Variants in CRIM1 observed in about 807,000 individuals in gnomAD.
The protein encoded by CRIM1 is cysteine-rich motor neuron 1 protein.
Under a neutral mutation model 116.4 loss-of-function variants are expected in CRIM1, and 32 were observed. The ratio of observed to expected loss-of-function variants is 0.27; its 90% confidence interval spans 0.21 to 0.37. CRIM1 has a LOEUF of 0.37. CRIM1 is among the 10% of genes least tolerant of loss of function. CRIM1 has a pLI of 1.00. For missense variants in CRIM1, 1,331 were observed against 1,354.8 expected (o/e 0.98, Z 0.28); for synonymous variants, 590 against 509.2 (o/e 1.16, Z -2.13).
chr2:36,441,527 C>T (rs2124936463), intron 3 of CRIM1, 27 bp downstream of exon 3: 1 of 1,600,902 alleles, frequency 6.2e-7, no homozygotes, highest in Non-Finnish European at 8.5e-7. Flanking sequence ...TCTCAGCAGC[C>T]TTGTTCCTTT....
intron 2 of CRIM1, among the ~76,000 whole-genome samples, chr2:36,425,421 T>C (rs752407654): frequency 6.6e-6 from 1 of 152,190 alleles, no homozygotes; most frequent in Non-Finnish European, 1.5e-5. Context: ...GTTAGACTCA[T>C]TACTGAAAAC....
intron 1 of CRIM1, among the ~76,000 whole-genome samples, chr2:36,389,485 C>T (rs1335232244): frequency 1.3e-5 from 2 of 152,200 alleles, no homozygotes; most frequent in African/African-American, 4.8e-5. Context: ...TTCCCAGGAG[C>T]TTCTCTTCTG....
chr2:36,410,737 T>TG (rs1405483358), intron 2 of CRIM1, among the ~76,000 whole-genome samples: 1 of 151,676 alleles, frequency 6.6e-6, no homozygotes, highest in African/African-American at 2.4e-5. Context: ...CCTGCTGCTT[T>TG]GGAAAAAAAA....
rs1668818385 is a variant in CRIM1 at position 36,356,577 on chromosome 2, G to A, written c.285G>A (p.Pro95=). ...GGCTGCGTTGTGTCATCCGCCCCCC[G>A]CTCAATGGCGACTCCCTCACCGAGT... is the stretch of plus-strand genomic sequence containing the variant. ...DRGLRCVIRP[P]LNGDSLTEYE... Residue 95 remains proline, a synonymous_variant, in exon 1 of 17, where the codon CCG becomes CCA. Transcript: ENST00000280527. The surrounding 1 kb of genome is among the most constrained non-coding windows in gnomAD (Gnocchi z 4.3). 1 of 1,611,844 alleles carries A rather than the reference G, an allele frequency of 6.2e-7. No individual in the cohort carries two copies. Among genetic ancestry groups the A allele is most frequent in the South Asian group, 1.1e-5 (1 of 91,064 alleles).
chr2:36,434,637 G>A (rs1329846824), intron 2 of CRIM1, among the ~76,000 whole-genome samples: 1 of 152,226 alleles, frequency 6.6e-6, no homozygotes, highest in Non-Finnish European at 1.5e-5. Context: ...TGCTCAATTA[G>A]TAGAGATTTC....
intron 4 of CRIM1, among the ~76,000 whole-genome samples, chr2:36,446,819 T>C (rs1027621124): frequency 2.0e-4 from 31 of 152,130 alleles, no homozygotes; most frequent in Non-Finnish European, 4.6e-4. Context: ...CACTACACAG[T>C]GACAAAAAGG....
intron 13 of CRIM1, among the ~76,000 whole-genome samples, chr2:36,524,209 T>C (rs186287740): frequency 1.3e-5 from 2 of 152,292 alleles, no homozygotes; most frequent in East Asian, 3.9e-4. Context: ...AGCACCGGCT[T>C]CTCTGTACTC....
rs558876905 is a variant in CRIM1 at position 36,462,934 on chromosome 2, G to A, written c.870-1600G>A. Among the ~76,000 whole-genome samples the A allele has an allele frequency of 4.6e-5, 7 of 152,294 alleles. No individual in the cohort carries two copies. In the East Asian group the frequency reaches 9.7e-4, roughly 21 times the overall value. ...AAAGCCCAGCTCACATTTACTCAGC[G>A]CTAGAAAATGATTGTCCTGCAGGAA... On this transcript the variant is annotated intron_variant, in intron 4 of 16. Coordinates refer to ENST00000280527, the MANE Select transcript of CRIM1 (RefSeq NM_016441.3).
chr2:36,384,564 A>C (rs57397319), intron 1 of CRIM1, among the ~76,000 whole-genome samples: 138 of 152,234 alleles, frequency 9.1e-4, no homozygotes, highest in African/African-American at 3.0e-3. Context: ...TAATCTTTCT[A>C]TGTTCTTGTT....
Position 36,509,965 on chromosome 2 carries a change from G to A in CRIM1, c.1502-18G>A, listed in dbSNP as rs368068258. 2.3e-5 allele frequency: 37 copies of A among 1,610,780 alleles called. No homozygotes were observed. The highest frequency in any genetic ancestry group is 1.6e-4 in the Middle Eastern group (1 of 6,066). ...TGTTCATCTTTGGAAGAAACATGCCGTCTCTGTGTCTTCACAGCCGAGGAA... is the reference window on the plus strand; with the variant it reads ...TGTTCATCTTTGGAAGAAACATGCCATCTCTGTGTCTTCACAGCCGAGGAA... On this transcript the variant is annotated intron_variant, in intron 8 of 16. Transcript: ENST00000280527.
At chr2:36,409,672 A>G (rs1179346597) in intron 2 of CRIM1, among the ~76,000 whole-genome samples, 1 of 152,258 alleles carries the variant, frequency 6.6e-6, no homozygotes, top group East Asian at 1.9e-4. Context: ...TTGATAAACA[A>G]GAATCAAAGC....
intron 1 of CRIM1, among the ~76,000 whole-genome samples, chr2:36,371,006 A>C (rs1669908215): frequency 6.6e-6 from 1 of 152,174 alleles, no homozygotes; most frequent in Non-Finnish European, 1.5e-5. Context: ...TCTTGGACAA[A>C]GACCCTTTGA....
chr2:36,439,740 T>G (rs1675638267), intron 2 of CRIM1, among the ~76,000 whole-genome samples: 1 of 151,046 alleles, frequency 6.6e-6, no homozygotes, highest in South Asian at 2.1e-4. Context: ...GCTACCCACT[T>G]CTTCTAAGCA....
chr2:36,514,966 T>G (rs2125116809), intron 11 of CRIM1, among the ~76,000 whole-genome samples: 1 of 152,336 alleles, frequency 6.6e-6, no homozygotes, highest in East Asian at 1.9e-4. Flanking sequence ...GTAGTTCAGT[T>G]AGAGGTGCTC....
At position 36,531,141 on chromosome 2, in the gene CRIM1, A is replaced by G. The variant is rs882842; in HGVS notation, c.2429-6211A>G. 2.6e-5 allele frequency among the ~76,000 whole-genome samples: 4 copies of G among 152,282 alleles called. No individual in the cohort carries two copies. In the South Asian group the frequency reaches 6.2e-4, roughly 24 times the overall value. On this transcript the variant is annotated intron_variant, in intron 13 of 16. Coordinates refer to ENST00000280527, the MANE Select transcript of CRIM1 (RefSeq NM_016441.3). ...GAGTAAATTACTTTTCAGGACTCTA[A>G]ATAGTACGCAGGAGATTTGAAAGAA...
chr2:36,483,176 G>A (rs746829958), intron 7 of CRIM1, among the ~76,000 whole-genome samples: 4 of 152,016 alleles, frequency 2.6e-5, no homozygotes, highest in Admixed American at 1.3e-4. Context: ...CTTGTTTATC[G>A]ATCTCATTAT....
chr2:36,477,346 C>A (rs567229481), intron 6 of CRIM1, among the ~76,000 whole-genome samples: 1 of 152,306 alleles, frequency 6.6e-6, no homozygotes, highest in East Asian at 1.9e-4. Context: ...TTCCGTTCCT[C>A]CCCTGCAGTT....
chr2:36,423,239 T>C (rs1382221216), intron 2 of CRIM1, among the ~76,000 whole-genome samples: 1 of 152,230 alleles, frequency 6.6e-6, no homozygotes, highest in Non-Finnish European at 1.5e-5. Flanking sequence ...AGTCCTATAC[T>C]GGGGATCCTA....
intron 12 of CRIM1, among the ~76,000 whole-genome samples, chr2:36,520,991 C>T (rs1665351119): frequency 1.3e-5 from 2 of 152,132 alleles, no homozygotes; most frequent in Non-Finnish European, 2.9e-5. Flanking sequence ...GTAGGGCTGT[C>T]GTGGCTGTGT....
Sources: allele counts gnomAD v4.1 joint callset (sites outside exome capture counted in the v4.1 genomes callset), GRCh38; gene constraint gnomAD v4.1.1; non-coding constraint Gnocchi (gnomAD v3.1); transcripts MANE v1.5; gene names NCBI Gene and HGNC (gene_info 2026-07-23, HGNC 2026-07-21).